Variants in LEPR observed in about 807,000 individuals in gnomAD.
LEPR encodes the protein OB receptor.
Under a neutral mutation model 114.7 loss-of-function variants are expected in LEPR, and 56 were observed. The ratio of observed to expected loss-of-function variants is 0.49; its 90% CI spans 0.39 to 0.61. The LOEUF is 0.61. Among genes scored for constraint, LEPR ranks in the 20% least tolerant of loss-of-function variants. LEPR has a pLI of 0.00. For synonymous variants in LEPR, 443 were observed against 461.4 expected (o/e 0.96, Z 0.51); for missense variants, 1,202 against 1,352.9 (o/e 0.89, Z 1.75).
intron 2 of LEPR, chr1:65,432,684 G>T: frequency 1.0e-6 from 1 of 967,788 alleles, no homozygotes; most frequent in Non-Finnish European, 1.2e-6. Context: ...TTGGGAGACA[G>T]TCAAAGGGTA....
intron 8 of LEPR, among the ~76,000 whole-genome samples, chr1:65,600,700 A>AAAAAT (rs1394823244): frequency 6.6e-6 from 1 of 152,084 alleles, no homozygotes; most frequent in African/African-American, 2.4e-5. Context: ...AGAGGACTTT[A>AAAAAT]AAAATAGTAT....
At chr1:65,547,354 A>G (rs576196937) in intron 2 of LEPR, among the ~76,000 whole-genome samples, 8 of 152,088 alleles carry the variant, frequency 5.3e-5, no homozygotes, top group Non-Finnish European at 8.8e-5. Context: ...CTCTTTTTCT[A>G]TTGATTGGAG....
intron 2 of LEPR, among the ~76,000 whole-genome samples, chr1:65,552,584 T>A (rs147286185): frequency 2.6e-5 from 4 of 152,318 alleles, no homozygotes; most frequent in African/African-American, 9.6e-5. Context: ...CATCCCTTTA[T>A]TTTGAGCCTA....
At chr1:65,468,276 G>A (rs1476044553) in intron 2 of LEPR, among the ~76,000 whole-genome samples, 1 of 152,112 alleles carries the variant, frequency 6.6e-6, no homozygotes, top group African/African-American at 2.4e-5. Flanking sequence ...AGGGAAAGAG[G>A]ATATTTGGTT....
intron 19 of LEPR, among the ~76,000 whole-genome samples, chr1:65,628,855 T>C (rs868294636): frequency 6.6e-5 from 10 of 152,268 alleles, no homozygotes; most frequent in African/African-American, 2.2e-4. Context: ...TAATGAAATG[T>C]TACAGTTAAA....
At chr1:65,579,369 A>G (rs1654822487) in intron 5 of LEPR, among the ~76,000 whole-genome samples, 1 of 152,180 alleles carries the variant, frequency 6.6e-6, no homozygotes, top group South Asian at 2.1e-4. Context: ...AGAAAAGTTG[A>G]TAATCGAAGG....
At chr1:65,535,255 T>C (rs186867375) in intron 2 of LEPR, among the ~76,000 whole-genome samples, 22 of 151,568 alleles carry the variant, frequency 1.5e-4, no homozygotes, top group Admixed American at 1.5e-3. Flanking sequence ...CTTAGAATTA[T>C]GGTATACTTA....
chr1:65,629,340 G>A (rs764778769), intron 19 of LEPR: 1 of 447,934 alleles, frequency 2.2e-6, no homozygotes, highest in South Asian at 1.6e-5. Context: ...AGTCAGGGTT[G>A]ATATGATGTT....
At chr1:65,488,327 T>C (rs1417128884) in intron 2 of LEPR, among the ~76,000 whole-genome samples, 3 of 133,040 alleles carry the variant, frequency 2.3e-5, no homozygotes, top group Non-Finnish European at 3.0e-5. Flanking sequence ...TTTTTCTTTC[T>C]TCTTCTTCTT....
chr1:65,445,930 T>C (rs1646708686), intron 2 of LEPR, among the ~76,000 whole-genome samples: 1 of 152,348 alleles, frequency 6.6e-6, no homozygotes, highest in African/African-American at 2.4e-5. Flanking sequence ...TTCTTTTCAA[T>C]ATTTCTATGC....
At position 65,601,706 on chromosome 1, in the gene LEPR, A is replaced by G. The variant is rs779918896; in HGVS notation, c.1285+24A>G. ...TGGTAAGAAAACAGAGGTTTTGTTC[A>G]TTTTGTTCCACAACTTGAATTTTCA... On this transcript the variant is annotated intron_variant, in intron 9 of 19. Coordinates refer to ENST00000349533, the MANE Select transcript of LEPR (RefSeq NM_002303.6). 7 of 1,613,132 alleles carry G rather than the reference A, an allele frequency of 4.3e-6. No individual in the cohort carries two copies. The African/African-American group carries it at 9.3e-5, about 22-fold the overall frequency.
chr1:65,630,357 GT>G (rs1296940121), intron 19 of LEPR: 2 of 171,874 alleles, frequency 1.2e-5, no homozygotes, highest in African/African-American at 5.1e-5. Context: ...CTCCACTATT[GT>G]CCTATGACCC....
intron 2 of LEPR, among the ~76,000 whole-genome samples, chr1:65,518,919 C>CTT (rs1379079788): frequency 2.6e-5 from 2 of 76,010 alleles, no homozygotes; most frequent in Admixed American, 1.5e-4. Flanking sequence ...CTTTCTTTCT[C>CTT]TCTTTCTCTG....
At chr1:65,505,240 A>G (rs1321240042) in intron 2 of LEPR, among the ~76,000 whole-genome samples, 2 of 152,186 alleles carry the variant, frequency 1.3e-5, no homozygotes, top group African/African-American at 4.8e-5. Flanking sequence ...ATGTTACACT[A>G]TTGGATATTG....
In LEPR at chr1:65,636,362, G is replaced by C; in HGVS notation, c.2845G>C (p.Glu949Gln). 6.2e-7 allele frequency: 1 copy of C among 1,614,074 alleles called. No individual in the cohort carries two copies. The highest frequency in any genetic ancestry group is 8.5e-7 in the Non-Finnish European group (1 of 1,179,984). The change falls in exon 20 of 20, where the codon GAA (glutamate) becomes CAA (glutamine). Residue 949 changes from glutamate (E) to glutamine (Q), a missense_variant. By Grantham distance (29) the Glu-to-Gln change is conservative (BLOSUM62 2). Transcript: ENST00000349533. ...CTCTCTACTTTCAACAACAGATCTTGAAAAGGGTTCTGTTTGTATTAGTGA... is the reference window on the plus strand; with the variant it reads ...CTCTCTACTTTCAACAACAGATCTTCAAAAGGGTTCTGTTTGTATTAGTGA... The part of the protein sequence containing the change: ...VVSLLSTTDL[E>Q]KGSVCISDQF...
intron 2 of LEPR, among the ~76,000 whole-genome samples, chr1:65,482,086 A>G (rs904301031): frequency 6.6e-6 from 1 of 150,554 alleles, no homozygotes; most frequent in Admixed American, 6.7e-5. Flanking sequence ...GCTGAAATTA[A>G]AAGTTACAAT....
At chr1:65,448,843 G>A (rs1270232164) in intron 2 of LEPR, among the ~76,000 whole-genome samples, 2 of 152,122 alleles carry the variant, frequency 1.3e-5, no homozygotes, top group African/African-American at 4.8e-5. Flanking sequence ...TTATTATCCC[G>A]TTAGTGTCCG....
intron 2 of LEPR, among the ~76,000 whole-genome samples, chr1:65,535,016 A>G (rs553572302): frequency 6.6e-5 from 10 of 152,212 alleles, no homozygotes; most frequent in Non-Finnish European, 1.5e-4. Flanking sequence ...AACATGAGAG[A>G]ATCAAACAAT....
chr1:65,442,806 A>C (rs1041982656), intron 2 of LEPR, among the ~76,000 whole-genome samples: 1 of 152,206 alleles, frequency 6.6e-6, no homozygotes, highest in Non-Finnish European at 1.5e-5. Flanking sequence ...CAGTGCCTGC[A>C]GAAGCTTAGA....
Sources: allele counts gnomAD v4.1 joint callset (sites outside exome capture counted in the v4.1 genomes callset), GRCh38; gene constraint gnomAD v4.1.1; transcripts MANE v1.5; gene names NCBI Gene and HGNC (gene_info 2026-07-23, HGNC 2026-07-21).